The following RALGDS variants were observed in gnomAD, a reference collection of about 807,000 sequenced individuals.
RALGDS encodes the protein ral guanine nucleotide exchange factor.
A neutral mutation model predicts 99.8 loss-of-function variants in RALGDS; 44 were observed. That is an observed-to-expected ratio of 0.44 (90% confidence interval 0.35 to 0.57). The LOEUF is 0.57. Among genes scored for constraint, RALGDS ranks in the 20% least tolerant of loss-of-function variants. The pLI, the probability that RALGDS is intolerant of heterozygous loss-of-function variation, is 0.01. For synonymous variants in RALGDS, 529 were observed against 505.0 expected (o/e 1.05, Z -0.64); for missense variants, 1,022 against 1,203.1 (o/e 0.85, Z 2.23).
chr9:133,102,255 C>A, intron 14 of RALGDS, 116 bp from the exon 15 acceptor site: 1 of 1,194,480 alleles, frequency 8.4e-7, no homozygotes, highest in South Asian at 1.4e-5. Context: ...GCCAGTACTC[C>A]ATTCACCACA....
In RALGDS at chr9:133,109,540, AGCCCCGGCTCCG is replaced by A. The variant is rs1831235274; in HGVS notation, c.584+74_584+85del. The A allele has an allele frequency of 7.1e-6, 9 of 1,264,728 alleles. No individual in the cohort carries two copies. In the Admixed American group the frequency reaches 1.2e-4, roughly 17 times the overall value. 78.3% of individuals were successfully genotyped at this position (1,264,728 alleles called of 1,614,324 possible). A position where few individuals can be genotyped will look rare whatever the true frequency, so the allele number is the denominator to read the frequency against. On this transcript the variant is annotated intron_variant, in intron 4 of 17. Transcript: ENST00000372050. Reference sequence around the variant, plus strand: ...GTGGGAGCCAGGGTTCTGCCCAGCCAGCCCCGGCTCCGGCCCCAGCCCCATGTACTCTCCCAC... The same window carrying A: ...GTGGGAGCCAGGGTTCTGCCCAGCCAGCCCCAGCCCCATGTACTCTCCCAC...
In RALGDS at chr9:133,102,088, C is replaced by T. The variant is rs906554175; in HGVS notation, c.2061G>A (p.Lys687=). The part of the protein sequence containing the change: ...ELSTSGSSHS[K]SCDQLRCGPY... Reference sequence around the variant, plus strand: ...GGCCACACCTGAGCTGGTCACAGGACTTGGAGTGGGAGCTGCCACTGGTAC... The same window carrying T: ...GGCCACACCTGAGCTGGTCACAGGATTTGGAGTGGGAGCTGCCACTGGTAC... Residue 687 remains lysine, a synonymous_variant, in exon 15 of 18, where the codon AAG becomes AAA. Coordinates refer to ENST00000372050, the MANE Select transcript of RALGDS (RefSeq NM_006266.4). 2 of 1,574,028 alleles carry T rather than the reference C, an allele frequency of 1.3e-6. No individual in the cohort carries two copies. Among genetic ancestry groups the T allele is most frequent in the Non-Finnish European group, 1.7e-6 (2 of 1,159,324 alleles).
At chr9:133,102,677 A>G in intron 13 of RALGDS, 102 bp downstream of exon 13, 1 of 1,602,410 alleles carries the variant, frequency 6.2e-7, no homozygotes, top group Non-Finnish European at 8.5e-7. Context: ...TCCTCAGGCA[A>G]CAGGGGCTGA....
At chr9:133,100,625 C>T (rs1830711962) in intron 16 of RALGDS, 1 of 1,394,608 alleles carries the variant, frequency 7.2e-7, no homozygotes, top group Admixed American at 2.9e-5. Context: ...CCAGCAGTGC[C>T]TACCCTGCTT....
chr9:133,113,574 G>A lies in RALGDS; in HGVS notation c.184-1422C>T, dbSNP rs58558654. On this transcript the variant is annotated intron_variant, in intron 1 of 17. Coordinates refer to ENST00000372050, the MANE Select transcript of RALGDS (RefSeq NM_006266.4). The stretch of plus-strand genomic sequence containing the variant: ...ACACCCACACCCCACAAACAGCCCC[G>A]CCAGGGGAGGTCTGGCCCTTCCACT... Among the ~76,000 whole-genome samples, 193 of 152,276 alleles carry A rather than the reference G, an allele frequency of 1.3e-3. 1 individual carries two copies. The highest frequency in any genetic ancestry group is 2.2e-3 in the Non-Finnish European group (149 of 68,012).
upstream of RALGDS, among the ~76,000 whole-genome samples, chr9:133,135,212 G>A (rs1832406784): frequency 1.3e-5 from 2 of 152,212 alleles, no homozygotes; most frequent in African/African-American, 4.8e-5. Flanking sequence ...GAGCAGCAGA[G>A]CCACAGGACA....
upstream of RALGDS, among the ~76,000 whole-genome samples, chr9:133,131,330 G>T (rs1393588793): frequency 1.3e-5 from 2 of 151,776 alleles, no homozygotes; most frequent in Non-Finnish European, 2.9e-5. Context: ...GGAGCTAGAG[G>T]GTTTCAGGGG....
At chr9:133,104,512 G>C in intron 9 of RALGDS, 181 bp from the exon 10 acceptor site, 1 of 628,040 alleles carries the variant, frequency 1.6e-6, no homozygotes, top group Non-Finnish European at 2.9e-6. Flanking sequence ...GGAAAGTGCG[G>C]ATGAGAACTC....
chr9:133,131,555 C>G (rs1314281887), upstream of RALGDS, among the ~76,000 whole-genome samples: 1 of 152,090 alleles, frequency 6.6e-6, no homozygotes, highest in Non-Finnish European at 1.5e-5. Flanking sequence ...GAGCAGCCTT[C>G]TCCAACACCC....
rs200619628 is a variant in RALGDS, at chr9:133,110,309, G to A, written c.475C>T (p.Leu159=). The part of the protein sequence containing the change: ...AFTTTQQVLD[L]LFKRYGRCDA... The stretch of plus-strand genomic sequence containing the variant: ...GCTCATGCTCACCTTTTGAACAGCA[G>A]GTCCAGGACCTGTTGGGTGGTGGTG... Residue 159 remains leucine (L), a synonymous_variant, in exon 3 of 18, where the codon CTG becomes TTG. Transcript: ENST00000372050. 197 of 1,613,738 alleles carry A rather than the reference G, an allele frequency of 1.2e-4. 1 individual carries two copies. The East Asian group carries it at 4.3e-3, about 36-fold the overall frequency.
At chr9:133,117,856 T>G (rs1009453354) in intron 1 of RALGDS, among the ~76,000 whole-genome samples, 1 of 152,216 alleles carries the variant, frequency 6.6e-6, no homozygotes, top group African/African-American at 2.4e-5. Context: ...ACTGGCTCGT[T>G]CAGAGCCTGC....
chr9:133,142,157 A>AG (rs1832534539), intron 1 of RALGDS, among the ~76,000 whole-genome samples: 1 of 151,640 alleles, frequency 6.6e-6, no homozygotes, highest in Non-Finnish European at 1.5e-5. Context: ...GGAGATGGGG[A>AG]GGGGGGAGTG....
At chr9:133,138,117 C>A (rs983775454) in intron 1 of RALGDS, among the ~76,000 whole-genome samples, 1 of 152,204 alleles carries the variant, frequency 6.6e-6, no homozygotes, top group Non-Finnish European at 1.5e-5. Context: ...CCAAAGGGAA[C>A]CTCCTAAGCT....
chr9:133,138,250 G>A (rs184726349), intron 1 of RALGDS, among the ~76,000 whole-genome samples: 175 of 152,292 alleles, frequency 1.1e-3, no homozygotes, highest in African/African-American at 4.0e-3. Flanking sequence ...CTAGAGAAGC[G>A]CAATCCCTTG....
At position 133,102,662 on chromosome 9, in the gene RALGDS, G is replaced by A. The variant is rs1830815478; in HGVS notation, c.1914-91C>T. 34 of 1,604,324 alleles carry A rather than the reference G, an allele frequency of 2.1e-5. No individual in the cohort carries two copies. In the South Asian group the frequency reaches 3.5e-4, roughly 17 times the overall value. ...CCAGAAGCTGGAGTCGGGGTGCCCC[G>A]GCCATCCTCAGGCAACAGGGGCTGA... On this transcript the variant is annotated intron_variant, in intron 13 of 17. Transcript: ENST00000372050.
At chr9:133,110,009 C>T (rs955502883) in intron 3 of RALGDS, among the ~76,000 whole-genome samples, 2 of 152,160 alleles carry the variant, frequency 1.3e-5, no homozygotes, top group Non-Finnish European at 2.9e-5. Flanking sequence ...ACAAGAGAGG[C>T]TTGGGGCAGA....
At chr9:133,122,621 T>C (rs1429497360), upstream of RALGDS, among the ~76,000 whole-genome samples, 1 of 152,242 alleles carries the variant, frequency 6.6e-6, no homozygotes, top group Non-Finnish European at 1.5e-5. Context: ...TGGTGGTAAG[T>C]TGCAGCTGGG....
intron 1 of RALGDS, among the ~76,000 whole-genome samples, chr9:133,143,911 C>T (rs1230535610): frequency 6.6e-6 from 1 of 151,706 alleles, no homozygotes; most frequent in Non-Finnish European, 1.5e-5. Context: ...GTGAGCAGCT[C>T]CATGGCGGGG....
At chr9:133,143,771 T>TAACAACAACAACAAC (rs759265482) in intron 1 of RALGDS, among the ~76,000 whole-genome samples, 1 of 111,624 alleles carries the variant, frequency 9.0e-6, no homozygotes, top group Non-Finnish European at 1.8e-5. Flanking sequence ...ATAATAATAA[T>TAACAACAACAACAAC]AACAACAACA....
Sources: allele counts gnomAD v4.1 joint callset (sites outside exome capture counted in the v4.1 genomes callset), GRCh38; gene constraint gnomAD v4.1.1; transcripts MANE v1.5; gene names NCBI Gene and HGNC (gene_info 2026-07-23, HGNC 2026-07-21).